The following RUVBL1 variants were observed in gnomAD, a reference collection of about 807,000 sequenced individuals.
The protein encoded by RUVBL1 is RuvB like AAA ATPase 1, also known as ruvB-like 1.
In RUVBL1, 4 loss-of-function variants were observed where a neutral mutation model predicts 52.4. The observed-to-expected ratio is 0.08, with a 90% CI of 0.04 to 0.17. RUVBL1 has a LOEUF of 0.17. Among genes scored for constraint, RUVBL1 ranks in the 10% least tolerant of loss-of-function variants. The pLI is 1.00. For missense variants in RUVBL1, 298 were observed against 572.8 expected, an observed-to-expected ratio of 0.52 and a Z score of 4.90; for synonymous variants, 217 against 214.4, an observed-to-expected ratio of 1.01 and a Z score of -0.10.
intron 1 of RUVBL1, among the ~76,000 whole-genome samples, 156 bp downstream of exon 1, chr3:128,123,428 C>T (rs1394510262): frequency 2.0e-5 from 3 of 152,182 alleles, no homozygotes; most frequent in African/African-American, 7.2e-5. Flanking sequence ...AGGGCGGCGC[C>T]CCTCCCCGAG....
rs867607053 is a variant in RUVBL1, at chr3:128,097,307, C to T, written c.1009G>A (p.Val337Ile). ...GGCAGGCAGCCATCCTACCTGATGACACAGTTGCCTCGGTTGGATGCAAAG... is the reference window on the plus strand; with the variant it reads ...GGCAGGCAGCCATCCTACCTGATGATACAGTTGCCTCGGTTGGATGCAAAG... The part of the protein sequence containing the change: ...VIFASNRGNC[V>I]IRGTEDITSP... The change falls in exon 8 of 11, where the codon GTC becomes ATC. Residue 337 changes from valine to isoleucine, a missense_variant. Transcript: ENST00000322623. 1.1e-5 allele frequency: 17 copies of T among 1,613,916 alleles called. 2 individuals are homozygous for T. In the Middle Eastern group the frequency reaches 2.5e-3, roughly 234 times the overall value.
chr3:128,129,777 C>A (rs1289442324), intron 1 of RUVBL1, among the ~76,000 whole-genome samples: 1 of 152,104 alleles, frequency 6.6e-6, no homozygotes, highest in Non-Finnish European at 1.5e-5. Context: ...CACAAAAAGA[C>A]AAGTACAGTA....
intron 3 of RUVBL1, among the ~76,000 whole-genome samples, chr3:128,111,966 A>C (rs974060920): frequency 1.3e-5 from 2 of 152,254 alleles, no homozygotes; most frequent in African/African-American, 2.4e-5. Flanking sequence ...GGATATTCCT[A>C]GTAGCCTTGT....
At chr3:128,123,260 T>C (rs547927620) in intron 1 of RUVBL1, among the ~76,000 whole-genome samples, 2 of 152,316 alleles carry the variant, frequency 1.3e-5, no homozygotes, top group South Asian at 4.1e-4. Context: ...CCTATCTTAA[T>C]TCCCGCTGTA....
chr3:128,074,842 C>CAAAAAAAAAAAA (rs386397876), intron 9 of RUVBL1, among the ~76,000 whole-genome samples: 12 of 72,798 alleles, frequency 1.6e-4, no homozygotes, highest in African/African-American at 4.9e-4. Flanking sequence ...AACTCCGTCT[C>CAAAAAAAAAAAA]AAAAAAAAAA....
At chr3:128,131,230 G>A (rs1017948370) in intron 1 of RUVBL1, among the ~76,000 whole-genome samples, 1 of 152,144 alleles carries the variant, frequency 6.6e-6, no homozygotes, top group African/African-American at 2.4e-5. Context: ...GGCTGGGCAT[G>A]GTGGTTCATA....
intron 9 of RUVBL1, among the ~76,000 whole-genome samples, chr3:128,085,525 G>A (rs11714256): frequency 0.23 from 34,696 of 152,176 alleles, 4,021 homozygotes; most frequent in South Asian, 0.27. Context: ...AAGTCACCTG[G>A]CAAGACACCC....
chr3:128,082,018 G>A lies in RUVBL1; in HGVS notation c.1211+465C>T, dbSNP rs1033432607. On this transcript the variant is annotated intron_variant, in intron 10 of 10. Transcript: ENST00000322623. This position sits in a 1 kb window ranked among gnomAD's most constrained non-coding sequence, Gnocchi z 4.7. Reference sequence around the variant, plus strand: ...CCGCTGGAGAACAATTAGGAGAACTGTCTATGTCTGCGCTCCTCCCTGGCT... The same window carrying A: ...CCGCTGGAGAACAATTAGGAGAACTATCTATGTCTGCGCTCCTCCCTGGCT... 2 of 173,772 alleles carry A rather than the reference G, an allele frequency of 1.2e-5. No homozygotes were observed. The highest frequency in any genetic ancestry group is 1.7e-4 in the East Asian group (1 of 5,802). The allele number at this position is 173,772 out of a possible 1,614,324, so 10.8% of individuals were successfully genotyped here. A position where few individuals can be genotyped will look rare whatever the true frequency, so the allele number is the denominator to read the frequency against.
intron 3 of RUVBL1, 140 bp downstream of exon 3, chr3:128,112,748 A>G: frequency 1.1e-6 from 1 of 932,592 alleles, no homozygotes; most frequent in East Asian, 2.5e-5. Flanking sequence ...TATTTGAAAA[A>G]TAATGCACTA....
downstream of RUVBL1, among the ~76,000 whole-genome samples, chr3:128,077,002 C>CGG (rs1942349039): frequency 6.6e-6 from 1 of 151,710 alleles, no homozygotes; most frequent in East Asian, 1.9e-4. Context: ...AGCGGGCAAT[C>CGG]GGCAGGCGCC....
chr3:128,109,144 G>A (rs1943317265), intron 3 of RUVBL1, among the ~76,000 whole-genome samples: 1 of 152,230 alleles, frequency 6.6e-6, no homozygotes, highest in African/African-American at 2.4e-5. Flanking sequence ...ACACATGTCT[G>A]AGGTGCTGGC....
chr3:128,130,872 G>A (rs905422053), intron 1 of RUVBL1, among the ~76,000 whole-genome samples: 6 of 151,714 alleles, frequency 4.0e-5, no homozygotes, highest in Non-Finnish European at 7.4e-5. Flanking sequence ...GGATGGTCTC[G>A]ATCTCCTGAC....
intron 2 of RUVBL1, among the ~76,000 whole-genome samples, chr3:128,115,651 T>A (rs1361646849): frequency 6.6e-6 from 1 of 152,134 alleles, no homozygotes; most frequent in East Asian, 1.9e-4. Context: ...CCAAAAAAAA[T>A]GAAAGACATA....
At chr3:128,069,777 G>A (rs544969592) in intron 9 of RUVBL1, 5 of 948,846 alleles carry the variant, frequency 5.3e-6, no homozygotes, top group South Asian at 3.2e-5. Flanking sequence ...TTTGAATTTC[G>A]TATTCTTTCA....
upstream of RUVBL1, among the ~76,000 whole-genome samples, chr3:128,126,820 C>T (rs769618944): frequency 5.3e-5 from 8 of 152,228 alleles, no homozygotes; most frequent in Non-Finnish European, 1.0e-4. Flanking sequence ...TCCTGACCAG[C>T]GTCCATCCCA....
chr3:128,076,744 G>A (rs1942339601), downstream of RUVBL1, among the ~76,000 whole-genome samples: 1 of 151,988 alleles, frequency 6.6e-6, no homozygotes, highest in Non-Finnish European at 1.5e-5. This position sits in a 1 kb window ranked among gnomAD's most constrained non-coding sequence, Gnocchi z 6.8. Flanking sequence ...AACCTGCGCC[G>A]TGTGCCCCAG....
chr3:128,148,179 GA>G (rs1392178553), intron 1 of RUVBL1, among the ~76,000 whole-genome samples: 4 of 151,934 alleles, frequency 2.6e-5, no homozygotes, highest in African/African-American at 9.7e-5. Context: ...GTGATTACCT[GA>G]TATCATGCAT....
intron 9 of RUVBL1, among the ~76,000 whole-genome samples, chr3:128,066,316 C>G (rs144906783): frequency 2.4e-4 from 37 of 152,158 alleles, no homozygotes; most frequent in African/African-American, 8.4e-4. Context: ...GGTGTGTGGC[C>G]TCCAGGCTTT....
At chr3:128,097,869 T>C (rs550351928) in intron 7 of RUVBL1, among the ~76,000 whole-genome samples, 4 of 152,308 alleles carry the variant, frequency 2.6e-5, no homozygotes, top group South Asian at 4.2e-4. Context: ...CTGGGAGACA[T>C]TGGAGTTTGG....
Sources: gnomAD v4.1 joint callset for allele counts (sites outside exome capture counted in the v4.1 genomes callset) on GRCh38, gnomAD v4.1.1 for gene constraint, Gnocchi (gnomAD v3.1) non-coding constraint, MANE v1.5 for transcripts, NCBI Gene and HGNC (gene_info 2026-07-23, HGNC 2026-07-21) for gene names.